The following TMEM87A variants were observed in gnomAD, a reference collection of about 807,000 sequenced individuals.
The protein encoded by TMEM87A is transmembrane protein 87A.
In TMEM87A, 50 loss-of-function variants were observed where a neutral mutation model predicts 90.0. That is an observed-to-expected ratio of 0.56 (90% CI 0.44 to 0.70). The LOEUF (loss-of-function observed/expected upper bound fraction) is 0.70, where lower values mean the gene tolerates loss of function less well. TMEM87A is among the 30% of genes least tolerant of loss of function. TMEM87A has a pLI of 0.00. For missense variants in TMEM87A, 577 were observed against 660.5 expected (o/e 0.87, Z 1.39); for synonymous variants, 226 against 226.7 (o/e 1.00, Z 0.03).
At chr15:42,228,125 G>A (rs115008941) in intron 13 of TMEM87A, among the ~76,000 whole-genome samples, 1,640 of 151,940 alleles carry the variant, frequency 0.011, 31 homozygotes, top group African/African-American at 0.038. Context: ...CCTTAGTATA[G>A]TAATGCTAAT....
chr15:42,217,765 C>A (rs955496308), intron 19 of TMEM87A, 38 bp downstream of exon 19: 1 of 1,603,880 alleles, frequency 6.2e-7, no homozygotes, highest in Admixed American at 1.7e-5. Context: ...TATTTAGTCA[C>A]CATATACATA....
chr15:42,236,869 A>G (rs1264538034), intron 9 of TMEM87A, among the ~76,000 whole-genome samples: 1 of 152,244 alleles, frequency 6.6e-6, no homozygotes, highest in East Asian at 1.9e-4. Context: ...AAATCTTATC[A>G]GTTTATCTCA....
At chr15:42,262,838 G>T (rs1041614896) in intron 4 of TMEM87A, among the ~76,000 whole-genome samples, 1 of 152,176 alleles carries the variant, frequency 6.6e-6, no homozygotes, top group African/African-American at 2.4e-5. Flanking sequence ...GACAAGTATA[G>T]ATGATAATTA....
rs1555406710 is a variant in TMEM87A at position 42,238,749 on chromosome 15, C to CCT, written c.684+920_684+921insAG. ...AGCCTGGGAGACAGAGTGAGACTCT[C>CCT]TTTTTTTTTTTTTTTTTTTAAAGAA... On this transcript the variant is annotated intron_variant, in intron 8 of 19. Coordinates refer to ENST00000389834, the MANE Select transcript of TMEM87A (RefSeq NM_015497.5). 1.7e-5 allele frequency among the ~76,000 whole-genome samples: 2 copies of CCT among 119,600 alleles called. 1 individual carries two copies. The highest frequency in any genetic ancestry group is 3.3e-5 in the Non-Finnish European group (2 of 60,070). 78.5% of individuals were successfully genotyped at this position (119,600 alleles called of 152,430 possible). A position where few individuals can be genotyped will look rare whatever the true frequency, so the allele number is the denominator to read the frequency against.
At chr15:42,247,422 C>T (rs1475886541) in intron 6 of TMEM87A, among the ~76,000 whole-genome samples, 1 of 152,118 alleles carries the variant, frequency 6.6e-6, no homozygotes, top group Middle Eastern at 3.2e-3. Context: ...GGTTTTAGGT[C>T]TAACATTTAA....
intron 8 of TMEM87A, among the ~76,000 whole-genome samples, chr15:42,238,439 G>A (rs1437540434): frequency 2.6e-5 from 4 of 151,994 alleles, no homozygotes; most frequent in South Asian, 4.1e-4. Context: ...GCATGGTGGT[G>A]CGCACCTGTA....
At chr15:42,244,612 T>C (rs887690461) in intron 6 of TMEM87A, among the ~76,000 whole-genome samples, 3 of 151,280 alleles carry the variant, frequency 2.0e-5, no homozygotes, top group Non-Finnish European at 4.4e-5. Flanking sequence ...TTGTTCAACA[T>C]GCTTCCCAAG....
chr15:42,273,310 C>A lies in TMEM87A; in HGVS notation c.89G>T (p.Gly30Val). The change falls in exon 1 of 20, where the codon GGA becomes GTA. Residue 30 changes from glycine (G) to valine (V), a missense_variant. Transcript: ENST00000389834. ...HPSPLSFFSA[G>V]PATVAAADRS... is the part of the protein sequence containing the mutation. ...GTCGGCAGCAGCTACGGTTGCCGGT[C>A]CCGCACTGAAAAACGACAGTGGTGA... 1 of 1,614,154 alleles carries A rather than the reference C, an allele frequency of 6.2e-7. No individual in the cohort carries two copies. The highest frequency in any genetic ancestry group is 8.5e-7 in the Non-Finnish European group (1 of 1,180,042).
At chr15:42,222,686 G>A (rs1030001912) in intron 15 of TMEM87A, among the ~76,000 whole-genome samples, 1 of 151,902 alleles carries the variant, frequency 6.6e-6, no homozygotes, top group African/African-American at 2.4e-5. Context: ...AGCCTCCCAA[G>A]TAGCTGGGAT....
At chr15:42,232,477 T>C (rs1437261859) in intron 11 of TMEM87A, among the ~76,000 whole-genome samples, 1 of 152,166 alleles carries the variant, frequency 6.6e-6, no homozygotes, top group East Asian at 1.9e-4. Flanking sequence ...TAGCTGCATT[T>C]TTTTTTCTTT....
chr15:42,217,977 C>A, intron 18 of TMEM87A, 144 bp from the exon 19 acceptor site: 2 of 752,050 alleles, frequency 2.7e-6, no homozygotes, highest in South Asian at 2.2e-5. Flanking sequence ...GAAAAATAAA[C>A]AGCAAATACA....
At chr15:42,219,722 C>T (rs539717728) in intron 16 of TMEM87A, 80 bp from the exon 17 acceptor site, 2 of 1,001,482 alleles carry the variant, frequency 2.0e-6, no homozygotes, top group South Asian at 3.3e-5. Context: ...AGAACTTTTT[C>T]TTTTTTTAAA....
intron 3 of TMEM87A, among the ~76,000 whole-genome samples, chr15:42,266,176 T>C (rs541386169): frequency 2.6e-5 from 4 of 152,346 alleles, no homozygotes; most frequent in East Asian, 3.9e-4. Flanking sequence ...TCAAGTATTC[T>C]AGATTATGGC....
chr15:42,273,402 C>G lies in TMEM87A; in HGVS notation c.-4G>C. 6.2e-7 allele frequency: 1 copy of G among 1,613,962 alleles called. No homozygotes were observed. The highest frequency in any genetic ancestry group is 1.1e-5 in the South Asian group (1 of 91,080). The stretch of plus-strand genomic sequence containing the variant: ...GAAGCCACGCAGCCGCCGCCATCTT[C>G]ACAGCCGTGGAGTGCCTACCGAAAG... On this transcript the variant is annotated 5_prime_UTR_variant, in exon 1 of 20. It removes the in-frame stop codon of an upstream open reading frame in the 5' UTR. Transcript: ENST00000389834.
chr15:42,218,518 A>G (rs1164542869), intron 17 of TMEM87A, 140 bp from the exon 18 acceptor site: 6 of 719,924 alleles, frequency 8.3e-6, no homozygotes, highest in African/African-American at 5.4e-5. Context: ...GAAAAGTCAA[A>G]TATTTTAATT....
intron 15 of TMEM87A, 66 bp downstream of exon 15, chr15:42,226,740 T>A: frequency 1.2e-5 from 17 of 1,393,076 alleles, no homozygotes; most frequent in Non-Finnish European, 1.7e-5. Context: ...TGTCCCCCAA[T>A]GCACCACCCC....
intron 15 of TMEM87A, among the ~76,000 whole-genome samples, chr15:42,221,297 C>CAG (rs761025546): frequency 4.2e-5 from 6 of 143,226 alleles, no homozygotes; most frequent in African/African-American, 1.3e-4. Context: ...GAGAGAGAGA[C>CAG]AGAGAGAGAG....
At chr15:42,267,819 A>C in intron 3 of TMEM87A, 128 bp downstream of exon 3, 1 of 596,640 alleles carries the variant, frequency 1.7e-6, no homozygotes, top group Non-Finnish European at 2.7e-6. Flanking sequence ...GCAAATTGGG[A>C]AGCATGCATT....
chr15:42,239,827 A>C, intron 7 of TMEM87A, 96 bp from the exon 8 acceptor site: 8 of 1,043,980 alleles, frequency 7.7e-6, no homozygotes, highest in Non-Finnish European at 1.2e-5. Context: ...TAAGAATTTC[A>C]TTGGGTCATT....
Sources: gnomAD v4.1 joint callset for allele counts (sites outside exome capture counted in the v4.1 genomes callset) on GRCh38, gnomAD v4.1.1 for gene constraint, MANE v1.5 for transcripts, NCBI Gene and HGNC (gene_info 2026-07-23, HGNC 2026-07-21) for gene names.